OCA2: variants seen among roughly 807,000 people sequenced by gnomAD.
OCA2 encodes OCA2 melanosomal transmembrane protein.
OCA2 carries 77 observed loss-of-function variants against 100.2 expected under a neutral mutation model. That is an observed-to-expected ratio of 0.77 (90% confidence interval 0.64 to 0.93). The LOEUF is 0.93. Ranked by LOEUF, OCA2 falls within the 40% of genes least tolerant of loss-of-function variation. OCA2 has a pLI of 0.00. For synonymous variants in OCA2, 432 were observed against 439.2 expected (o/e 0.98, Z 0.21); for missense variants, 1,062 against 1,089.1 (o/e 0.98, Z 0.35).
intron 22 of OCA2, 146 bp downstream of exon 22, chr15:27,851,236 G>A (rs544933063): frequency 1.3e-6 from 1 of 759,314 alleles, no homozygotes; most frequent in South Asian, 1.5e-5. Context: ...GAATTGCTCT[G>A]TCAAAGCTGA....
At chr15:28,027,751 G>T in intron 4 of OCA2, 120 bp downstream of exon 4, 3 of 1,045,316 alleles carry the variant, frequency 2.9e-6, no homozygotes, top group Non-Finnish European at 4.3e-6. Context: ...GTGCAGCCTG[G>T]CCAGATGAGA....
At chr15:27,757,247 C>G (rs1477480589) in intron 23 of OCA2, among the ~76,000 whole-genome samples, 2 of 152,202 alleles carry the variant, frequency 1.3e-5, no homozygotes, top group Non-Finnish European at 2.9e-5. Flanking sequence ...GTGTGTACTC[C>G]TAATCACTAC....
intron 18 of OCA2, among the ~76,000 whole-genome samples, chr15:27,942,241 TAC>T (rs1567134384): frequency 1.3e-5 from 2 of 148,462 alleles, no homozygotes; most frequent in African/African-American, 2.4e-5. Flanking sequence ...ATGATATACA[TAC>T]GATATACATA....
rs548198696 is a variant in OCA2 at position 28,081,309 on chromosome 15, T to TG, written c.227+338_227+339insC. Among the ~76,000 whole-genome samples the TG allele has an allele frequency of 2.0e-3, 307 of 152,360 alleles. 2 individuals are homozygous for TG. Among genetic ancestry groups the TG allele is most frequent in the African/African-American group, 7.2e-3 (298 of 41,578 alleles). ...GACATGAAAAACAATACTCAGTTAA[T>TG]TCACTTGCTATATGTATAGAAATAA... is the stretch of plus-strand genomic sequence containing the variant. On this transcript the variant is annotated intron_variant, in intron 2 of 23. Transcript: ENST00000354638.
chr15:27,974,966 C>T (rs1595747696), intron 14 of OCA2, among the ~76,000 whole-genome samples: 1 of 152,194 alleles, frequency 6.6e-6, no homozygotes, highest in Non-Finnish European at 1.5e-5. Context: ...TTCCTACCAT[C>T]GTATTTAAAA....
At chr15:28,019,236 G>T (rs190857513) in intron 6 of OCA2, among the ~76,000 whole-genome samples, 33 of 151,920 alleles carry the variant, frequency 2.2e-4, no homozygotes, top group African/African-American at 8.0e-4. Flanking sequence ...GGGAGGGAGA[G>T]AATAGGGAGA....
intron 1 of OCA2, among the ~76,000 whole-genome samples, chr15:28,092,240 G>GGAAATGAAGAACAAATGCTAA (rs2044882626): frequency 6.6e-6 from 1 of 152,026 alleles, no homozygotes; most frequent in Admixed American, 6.6e-5. Context: ...AGGGTTGGAG[G>GGAAATGAAGAACAAATGCTAA]GAAATGAAGA....
rs767886586 is a variant in OCA2 at position 28,027,881 on chromosome 15, A to C, written c.505T>G (p.Ser169Ala). 1 of 1,612,944 alleles carries C rather than the reference A, an allele frequency of 6.2e-7. No individual in the cohort carries two copies. The highest frequency in any genetic ancestry group is 1.1e-5 in the South Asian group (1 of 91,024). ...LDSPHIRLRL[S>A]KLRRCVQWLK... is the part of the protein sequence containing the mutation. ...CCCAAGTCCGCCTACCTCAGCTTGG[A>C]AAGACGGAGTCGGATGTGCGGGCTG... Residue 169 changes from serine to alanine, a missense_variant, in exon 4 of 24, where the codon TCC becomes GCC. Coordinates refer to ENST00000354638, the MANE Select transcript of OCA2 (RefSeq NM_000275.3).
chr15:27,730,732 AATATATATATATAT>A, the OCA2 span, among the ~76,000 whole-genome samples: 9,393 of 101,764 alleles, frequency 0.092, 471 homozygotes, highest in East Asian at 0.17. Context: ...AAAAAGACCA[AATATATATATATAT>A]ATATATATAT....
chr15:27,854,478 G>A (rs776616949), intron 21 of OCA2, among the ~76,000 whole-genome samples: 3 of 152,268 alleles, frequency 2.0e-5, no homozygotes, highest in South Asian at 2.1e-4. Context: ...TGTCAGTAGC[G>A]TCAAATATAC....
At chr15:27,765,014 G>T (rs1175307373) in intron 23 of OCA2, among the ~76,000 whole-genome samples, 1 of 152,158 alleles carries the variant, frequency 6.6e-6, no homozygotes, top group African/African-American at 2.4e-5. Flanking sequence ...GGAAAGGGGT[G>T]GGCAATTCCC....
chr15:27,960,312 G>A (rs1372992183), intron 15 of OCA2, among the ~76,000 whole-genome samples: 2 of 152,098 alleles, frequency 1.3e-5, no homozygotes, highest in Non-Finnish European at 2.9e-5. Context: ...GATGCTAAAG[G>A]ATAAAATTTC....
intron 9 of OCA2, among the ~76,000 whole-genome samples, chr15:27,997,268 T>A (rs1182480120): frequency 6.8e-6 from 1 of 146,946 alleles, no homozygotes; most frequent in Non-Finnish European, 1.5e-5. Flanking sequence ...AAAGGGAAAA[T>A]TAATTAATTT....
chr15:27,767,806 A>G (rs2031385632), intron 23 of OCA2, among the ~76,000 whole-genome samples: 1 of 152,224 alleles, frequency 6.6e-6, no homozygotes. Context: ...CAGCCAGCAG[A>G]GGCAACCTAC....
At chr15:27,780,592 G>A (rs966997021) in intron 23 of OCA2, among the ~76,000 whole-genome samples, 3 of 152,170 alleles carry the variant, frequency 2.0e-5, no homozygotes, top group South Asian at 4.1e-4. Context: ...TGAGAACACC[G>A]ACTAAAGAGC....
At chr15:27,917,317 A>G (rs1459628842) in intron 19 of OCA2, among the ~76,000 whole-genome samples, 1 of 152,226 alleles carries the variant, frequency 6.6e-6, no homozygotes, top group Non-Finnish European at 1.5e-5. Flanking sequence ...ATATTAATAG[A>G]CTATTCTAAA....
At chr15:28,078,919 A>G (rs906060441) in intron 2 of OCA2, among the ~76,000 whole-genome samples, 2 of 152,208 alleles carry the variant, frequency 1.3e-5, no homozygotes, top group Non-Finnish European at 2.9e-5. Context: ...CAGTTTGTGC[A>G]CAGGTGATGT....
the OCA2 span, among the ~76,000 whole-genome samples, chr15:27,728,367 C>T: frequency 2.0e-5 from 3 of 152,012 alleles, no homozygotes; most frequent in African/African-American, 7.3e-5. Flanking sequence ...CTGTAGCTCT[C>T]AGCTCTACCC....
chr15:27,960,421 C>A (rs1384781398), intron 15 of OCA2, among the ~76,000 whole-genome samples: 2 of 152,142 alleles, frequency 1.3e-5, no homozygotes, highest in Non-Finnish European at 2.9e-5. Context: ...AAGAGCCACC[C>A]AGGATATGCT....
Sources: gnomAD v4.1 joint callset for allele counts (sites outside exome capture counted in the v4.1 genomes callset) on GRCh38, gnomAD v4.1.1 for gene constraint, MANE v1.5 for transcripts, NCBI Gene and HGNC (gene_info 2026-07-23, HGNC 2026-07-21) for gene names.